NXPH1: variants seen among roughly 807,000 people sequenced by gnomAD.
NXPH1 encodes neurexophilin-1.
Under a neutral mutation model 23.7 loss-of-function variants are expected in NXPH1, and 5 were observed. The observed-to-expected ratio is 0.21, with a 90% confidence interval of 0.11 to 0.44. The LOEUF (loss-of-function observed/expected upper bound fraction) is 0.44. Ranked by LOEUF, NXPH1 falls within the 20% of genes least tolerant of loss-of-function variation. The pLI is 0.99. For synonymous variants in NXPH1, 144 were observed against 122.2 expected, an observed-to-expected ratio of 1.18 and a Z score of -1.18; for missense variants, 324 against 321.6, an observed-to-expected ratio of 1.01 and a Z score of -0.06.
intron 2 of NXPH1, among the ~76,000 whole-genome samples, chr7:8,649,035 GTT>G (rs57635072): frequency 6.7e-6 from 1 of 150,222 alleles, no homozygotes; most frequent in Non-Finnish European, 1.5e-5. Flanking sequence ...TACTTTTTTA[GTT>G]TTTTTTGTAT....
chr7:8,558,054 T>G (rs1234220924), intron 2 of NXPH1, among the ~76,000 whole-genome samples: 1 of 151,720 alleles, frequency 6.6e-6, no homozygotes, highest in Non-Finnish European at 1.5e-5. Context: ...GTTATTAAAA[T>G]TTCTCTTCTG....
At chr7:8,606,174 A>G (rs891009385) in intron 2 of NXPH1, among the ~76,000 whole-genome samples, 2 of 152,158 alleles carry the variant, frequency 1.3e-5, no homozygotes, top group Non-Finnish European at 2.9e-5. Flanking sequence ...TGTTTGTTCT[A>G]TATATAATTT....
intron 2 of NXPH1, among the ~76,000 whole-genome samples, chr7:8,486,189 A>G (rs1478306672): frequency 3.9e-5 from 6 of 152,162 alleles, no homozygotes; most frequent in Admixed American, 3.9e-4. Flanking sequence ...CTCCTTCTGA[A>G]GGAAGAACTA....
intron 2 of NXPH1, among the ~76,000 whole-genome samples, chr7:8,456,511 T>G (rs2128606233): frequency 6.6e-6 from 1 of 152,242 alleles, no homozygotes; most frequent in East Asian, 1.9e-4. Flanking sequence ...GAATTGCAGG[T>G]TTAAGGAAAC....
At chr7:8,701,594 G>A (rs1413298792) in intron 2 of NXPH1, among the ~76,000 whole-genome samples, 2 of 152,050 alleles carry the variant, frequency 1.3e-5, no homozygotes, top group African/African-American at 4.8e-5. Flanking sequence ...CAGCTTAAAT[G>A]TCACATTTAA....
chr7:8,595,635 C>T (rs560785334), intron 2 of NXPH1, among the ~76,000 whole-genome samples: 2 of 152,096 alleles, frequency 1.3e-5, no homozygotes, highest in South Asian at 4.1e-4. Context: ...CAACTTCTGA[C>T]AATTTGTGAA....
chr7:8,641,677 G>C (rs1392659506), intron 2 of NXPH1, among the ~76,000 whole-genome samples: 1 of 152,070 alleles, frequency 6.6e-6, no homozygotes. Flanking sequence ...TGAGGGATGA[G>C]AATTTCCACC....
At chr7:8,475,336 G>C (rs1475303078) in intron 2 of NXPH1, among the ~76,000 whole-genome samples, 1 of 151,970 alleles carries the variant, frequency 6.6e-6, no homozygotes, top group Non-Finnish European at 1.5e-5. Context: ...GAACCTTTCT[G>C]TTCTATAACT....
At chr7:8,592,973 T>G (rs149759112) in intron 2 of NXPH1, among the ~76,000 whole-genome samples, 2,184 of 152,026 alleles carry the variant, frequency 0.014, 27 homozygotes, top group South Asian at 0.059. Context: ...TTGTCCCCGT[T>G]TTACCAACAC....
intron 2 of NXPH1, among the ~76,000 whole-genome samples, chr7:8,501,777 G>A (rs1187954746): frequency 6.6e-6 from 1 of 152,034 alleles, no homozygotes; most frequent in Non-Finnish European, 1.5e-5. Flanking sequence ...TAAAGATAGG[G>A]CTGTCATAGC....
chr7:8,603,979 C>G (rs1462729600), intron 2 of NXPH1, among the ~76,000 whole-genome samples: 1 of 152,018 alleles, frequency 6.6e-6, no homozygotes, highest in Non-Finnish European at 1.5e-5. Context: ...TTAAAATGAG[C>G]ACCCCAAATC....
At chr7:8,717,894 G>GTGTATATA (rs71545892) in intron 2 of NXPH1, among the ~76,000 whole-genome samples, 54 of 147,176 alleles carry the variant, frequency 3.7e-4, no homozygotes, top group African/African-American at 8.8e-4. Flanking sequence ...CTCTCTGTGT[G>GTGTATATA]TATATATATA....
At chr7:8,594,667 C>G (rs2128625989) in intron 2 of NXPH1, among the ~76,000 whole-genome samples, 1 of 151,952 alleles carries the variant, frequency 6.6e-6, no homozygotes, top group African/African-American at 2.4e-5. Context: ...TTTTGTCTGG[C>G]CTCGGTGGAA....
At chr7:8,553,551 C>T (rs1482852590) in intron 2 of NXPH1, among the ~76,000 whole-genome samples, 1 of 151,400 alleles carries the variant, frequency 6.6e-6, no homozygotes, top group African/African-American at 2.4e-5. Context: ...CAGGTTTTAG[C>T]CTTAATTCAG....
chr7:8,556,307 G>A (rs1305043618), intron 2 of NXPH1, among the ~76,000 whole-genome samples: 2 of 151,816 alleles, frequency 1.3e-5, no homozygotes, highest in East Asian at 3.9e-4. Context: ...ATTTAGCAGG[G>A]TTTGGAAGTA....
intron 2 of NXPH1, among the ~76,000 whole-genome samples, chr7:8,698,329 C>T (rs1039032289): frequency 6.6e-6 from 1 of 152,122 alleles, no homozygotes; most frequent in Non-Finnish European, 1.5e-5. Context: ...TTCAGGAATA[C>T]AATTATTGCA....
intron 2 of NXPH1, among the ~76,000 whole-genome samples, chr7:8,650,991 C>T (rs1489453344): frequency 1.3e-5 from 2 of 151,302 alleles, no homozygotes; most frequent in East Asian, 3.9e-4. Context: ...TATTCTTATA[C>T]TTTAAGTTTT....
intron 2 of NXPH1, among the ~76,000 whole-genome samples, chr7:8,506,897 C>T (rs1207202742): frequency 6.6e-6 from 1 of 152,004 alleles, no homozygotes; most frequent in Non-Finnish European, 1.5e-5. Context: ...GCATGCCCTG[C>T]AGCTCATGTG....
chr7:8,506,954 A>G (rs1396734244), intron 2 of NXPH1, among the ~76,000 whole-genome samples: 1 of 152,028 alleles, frequency 6.6e-6, no homozygotes, highest in Non-Finnish European at 1.5e-5. Flanking sequence ...GTGTATTTTC[A>G]TGAGCATGGG....
Sources: gnomAD v4.1 joint callset for allele counts (sites outside exome capture counted in the v4.1 genomes callset) on GRCh38, gnomAD v4.1.1 for gene constraint, MANE v1.5 for transcripts, NCBI Gene and HGNC (gene_info 2026-07-23, HGNC 2026-07-21) for gene names.